Variants in SEMA6D observed in about 807,000 individuals in gnomAD.
SEMA6D encodes semaphorin-6D.
SEMA6D carries 35 observed loss-of-function variants against 106.6 expected under a neutral mutation model. That is an observed-to-expected ratio of 0.33 (90% CI 0.25 to 0.44). SEMA6D has a LOEUF of 0.44. Among genes scored for constraint, SEMA6D ranks in the 20% least tolerant of loss-of-function variants. The probability of loss-of-function intolerance (pLI) is 1.00; values close to 1 mark genes in which losing one functional copy is unlikely to be tolerated. For missense variants in SEMA6D, 1,185 were observed against 1,345.9 expected, an observed-to-expected ratio of 0.88 and a Z score of 1.87; for synonymous variants, 499 against 487.7, an observed-to-expected ratio of 1.02 and a Z score of -0.31.
chr15:47,227,707 T>C (rs2031837145), intron 1 of SEMA6D, among the ~76,000 whole-genome samples: 1 of 150,408 alleles, frequency 6.6e-6, no homozygotes, highest in South Asian at 2.1e-4. Flanking sequence ...TAGGCCCACC[T>C]GACAAAAGAA....
At chr15:47,401,134 G>GGT (rs765329858) in intron 1 of SEMA6D, among the ~76,000 whole-genome samples, 27 of 152,208 alleles carry the variant, frequency 1.8e-4, no homozygotes, top group African/African-American at 5.8e-4. Flanking sequence ...ATGCCCAATA[G>GGT]GTAGTAAATA....
At chr15:47,509,499 A>G (rs2044154260) in intron 3 of SEMA6D, among the ~76,000 whole-genome samples, 1 of 152,092 alleles carries the variant, frequency 6.6e-6, no homozygotes, top group African/African-American at 2.4e-5. Context: ...ATTCTCTATA[A>G]CCTAATAAAT....
intron 2 of SEMA6D, among the ~76,000 whole-genome samples, chr15:47,423,918 A>G (rs74011437): frequency 0.025 from 3,821 of 152,204 alleles, 146 homozygotes; most frequent in African/African-American, 0.083. Flanking sequence ...TAAAGATGAC[A>G]GTTACCATTG....
chr15:47,403,015 CA>C (rs1383044324), intron 1 of SEMA6D, among the ~76,000 whole-genome samples: 2 of 152,086 alleles, frequency 1.3e-5, no homozygotes, highest in Non-Finnish European at 2.9e-5. Context: ...AGCAGAATCA[CA>C]AAGAAAAGCA....
intron 3 of SEMA6D, among the ~76,000 whole-genome samples, chr15:47,582,767 C>G (rs2076276648): frequency 6.6e-6 from 1 of 152,198 alleles, no homozygotes; most frequent in Non-Finnish European, 1.5e-5. Context: ...ACCCCACCCT[C>G]AGCCTGCCAG....
intron 3 of SEMA6D, among the ~76,000 whole-genome samples, chr15:47,478,711 A>C (rs571604859): frequency 6.6e-6 from 1 of 152,268 alleles, no homozygotes; most frequent in African/African-American, 2.4e-5. Flanking sequence ...AGAATAATGA[A>C]CACAGAAGCC....
At chr15:47,628,589 G>A (rs1005511325) in intron 4 of SEMA6D, among the ~76,000 whole-genome samples, 7 of 151,952 alleles carry the variant, frequency 4.6e-5, no homozygotes, top group South Asian at 2.1e-4. Context: ...TCTCTAGTGG[G>A]ATTGTTTGCT....
chr15:47,738,480 C>G (rs1269710393), intron 1 of SEMA6D, among the ~76,000 whole-genome samples: 7 of 152,118 alleles, frequency 4.6e-5, no homozygotes. Context: ...AAGACTGGGA[C>G]AAGACATTTT....
intron 4 of SEMA6D, among the ~76,000 whole-genome samples, chr15:47,693,062 G>A (rs189447049): frequency 7.9e-5 from 12 of 152,154 alleles, no homozygotes; most frequent in South Asian, 2.1e-4. Context: ...TCTAACTCTC[G>A]GTACTTCAGA....
rs757248297 is a variant in SEMA6D, at chr15:47,227,204, A to G, written c.-239+42786A>G. On this transcript the variant is annotated intron_variant, in intron 1 of 19. Transcript: ENST00000558014. Reference sequence around the variant, plus strand: ...ATTGACTCTGAGCCATAAAAATATCAAGGAAACAGCTACATATAAAATAAT... The same window carrying G: ...ATTGACTCTGAGCCATAAAAATATCGAGGAAACAGCTACATATAAAATAAT... Among the ~76,000 whole-genome samples the G allele has an allele frequency of 7.2e-5, 11 of 152,202 alleles. 1 individual carries two copies. The highest frequency in any genetic ancestry group is 1.0e-4 in the Non-Finnish European group (7 of 67,970).
rs754120357 is a variant in SEMA6D at position 47,763,100 on chromosome 15, G to A, written c.743G>A (p.Gly248Asp). Residue 248 changes from glycine to aspartate, a missense_variant, in exon 9 of 19, where the codon GGC (glycine) becomes GAC (aspartate). Around this residue, in one of 3 missense-constraint regions of SEMA6D, gnomAD observed 291 missense variants for 423.8 expected, o/e 0.69. Coordinates refer to ENST00000536845, the MANE Select transcript of SEMA6D (RefSeq NM_001358351.3). ...REIAVEHNNLGKAVYSRVARI... is the reference protein window; with the variant it reads ...REIAVEHNNLDKAVYSRVARI... ...ATCGCTGTCGAACATAATAATTTAG[G>A]CAAGGCAAGTATATGCATTTGGCTT... The A allele has an allele frequency of 1.9e-6, 3 of 1,610,368 alleles. No homozygotes were observed. The highest frequency in any genetic ancestry group is 2.5e-6 in the Non-Finnish European group (3 of 1,177,706).
Position 47,771,895 on chromosome 15 carries a change from A to G in SEMA6D, c.*110A>G. 2 of 1,183,064 alleles carry G rather than the reference A, an allele frequency of 1.7e-6. No homozygotes were observed. Among genetic ancestry groups the G allele is most frequent in the South Asian group, 3.0e-5 (2 of 65,626 alleles). The allele number at this position is 1,183,064 out of a possible 1,614,324, so 73.3% of individuals were successfully genotyped here. A position where few individuals can be genotyped will look rare whatever the true frequency, so the allele number is the denominator to read the frequency against. ...ACTCGCTTGTATTTTAAGAGAACCA[A>G]GTGGCCAAAGAAACTCTTTCTAACT... On this transcript the variant is annotated 3_prime_UTR_variant, in exon 19 of 19. Coordinates refer to ENST00000536845, the MANE Select transcript of SEMA6D (RefSeq NM_001358351.3).
At chr15:47,221,088 C>G (rs181028911) in intron 1 of SEMA6D, among the ~76,000 whole-genome samples, 2 of 152,324 alleles carry the variant, frequency 1.3e-5, no homozygotes, top group Admixed American at 1.3e-4. Context: ...TGTAGGTCCC[C>G]TGGAATCTAA....
At chr15:47,479,298 G>T (rs2043085725) in intron 3 of SEMA6D, among the ~76,000 whole-genome samples, 3 of 152,168 alleles carry the variant, frequency 2.0e-5, no homozygotes, top group Admixed American at 1.3e-4. Flanking sequence ...ATCAGTTGTT[G>T]GGTAGGAGCC....
chr15:47,618,084 G>T (rs928544595), intron 4 of SEMA6D, among the ~76,000 whole-genome samples: 1 of 152,218 alleles, frequency 6.6e-6, no homozygotes, highest in Non-Finnish European at 1.5e-5. Flanking sequence ...TTTGGCCCCA[G>T]TGTAGCCTGC....
At chr15:47,467,615 A>G (rs2042703991) in intron 2 of SEMA6D, among the ~76,000 whole-genome samples, 1 of 152,148 alleles carries the variant, frequency 6.6e-6, no homozygotes, top group African/African-American at 2.4e-5. Context: ...ATAACTTTGC[A>G]AGCGCTGACT....
intron 1 of SEMA6D, chr15:47,399,357 C>T (rs2040322706): frequency 6.6e-6 from 1 of 152,214 alleles, no homozygotes; most frequent in Non-Finnish European, 1.5e-5. Context: ...TTAAACTTTC[C>T]AGTTCTCTTA....
intron 3 of SEMA6D, among the ~76,000 whole-genome samples, chr15:47,494,741 G>GATAGATAGATATATATAT: frequency 3.0e-5 from 1 of 32,986 alleles, no homozygotes; most frequent in African/African-American, 6.6e-5. Flanking sequence ...GTGGGATGGA[G>GATAGATAGATATATATAT]ATATATATAT....
chr15:47,197,713 T>G (rs1894454848), intron 1 of SEMA6D, among the ~76,000 whole-genome samples: 1 of 152,168 alleles, frequency 6.6e-6, no homozygotes, highest in African/African-American at 2.4e-5. Context: ...TACCAGTTTC[T>G]TTGGCTGTTT....
Sources: gnomAD v4.1 joint callset for allele counts (sites outside exome capture counted in the v4.1 genomes callset) on GRCh38, gnomAD v4.1.1 for gene constraint, gnomAD v4.1.1 regional missense constraint, MANE v1.5 for transcripts, NCBI Gene and HGNC (gene_info 2026-07-23, HGNC 2026-07-21) for gene names.